Variants in P3H2 observed in about 807,000 individuals in gnomAD.
P3H2 encodes leprecan-like 1.
P3H2 carries 80 observed loss-of-function variants against 87.0 expected under a neutral mutation model. The ratio of observed to expected loss-of-function variants is 0.92; its 90% confidence interval spans 0.77 to 1.11. The LOEUF (loss-of-function observed/expected upper bound fraction) is 1.11, where lower values mean the gene tolerates loss of function less well. Among genes scored for constraint, P3H2 ranks in the 50% least tolerant of loss-of-function variants. The probability of loss-of-function intolerance (pLI) is 0.00; values close to 1 mark genes in which losing one functional copy is unlikely to be tolerated. For synonymous variants in P3H2, 367 were observed against 359.3 expected, an observed-to-expected ratio of 1.02 and a Z score of -0.24; for missense variants, 1,001 against 923.9, an observed-to-expected ratio of 1.08 and a Z score of -1.08.
chr3:190,048,533 G>A (rs1177574099), intron 1 of P3H2, among the ~76,000 whole-genome samples: 1 of 152,132 alleles, frequency 6.6e-6, no homozygotes, highest in East Asian at 1.9e-4. Flanking sequence ...CATAGATTTT[G>A]CTTTATTTTA....
chr3:190,110,986 C>T (rs927946007), intron 1 of P3H2, among the ~76,000 whole-genome samples: 7 of 152,102 alleles, frequency 4.6e-5, no homozygotes, highest in Non-Finnish European at 1.0e-4. Flanking sequence ...TAATGAATTC[C>T]AGCAGGATCA....
intron 1 of P3H2, among the ~76,000 whole-genome samples, chr3:190,095,725 C>T (rs550190910): frequency 0.021 from 3,218 of 151,710 alleles, 55 homozygotes; most frequent in Non-Finnish European, 0.034. Context: ...CTCAGCCTCC[C>T]GAGTAGCTGG....
chr3:189,970,673 C>CTA, intron 13 of P3H2, 143 bp downstream of exon 13: 2 of 641,782 alleles, frequency 3.1e-6, no homozygotes, highest in South Asian at 3.8e-5. Flanking sequence ...AGTTTATGAT[C>CTA]TATACATTTA....
chr3:189,972,023 A>G lies in P3H2; in HGVS notation c.1700-16T>C. 1 of 1,481,882 alleles carries G rather than the reference A, an allele frequency of 6.7e-7. No homozygotes were observed. The highest frequency in any genetic ancestry group is 9.4e-7 in the Non-Finnish European group (1 of 1,059,562). 91.8% of individuals were successfully genotyped at this position (1,481,882 alleles called of 1,614,324 possible). On this transcript the variant is annotated splice_polypyrimidine_tract_variant and intron_variant, in intron 11 of 14. Transcript: ENST00000319332. ...TCCTGCTGACCTGCCAGAAAAGGGA[A>G]TAGGGAAGAACGAGAAATGAAGTGC...
intron 1 of P3H2, among the ~76,000 whole-genome samples, chr3:190,062,798 A>G (rs1035673711): frequency 6.6e-6 from 1 of 152,072 alleles, no homozygotes. Flanking sequence ...CCACTGATTC[A>G]ATCTTACATT....
chr3:190,030,921 T>C (rs1725232506), intron 1 of P3H2, among the ~76,000 whole-genome samples: 2 of 152,192 alleles, frequency 1.3e-5, no homozygotes, highest in African/African-American at 2.4e-5. Context: ...ACTTTGATCT[T>C]AGCCTCATAT....
intron 8 of P3H2, among the ~76,000 whole-genome samples, chr3:189,976,868 T>C (rs1009350286): frequency 2.6e-5 from 4 of 152,218 alleles, no homozygotes; most frequent in African/African-American, 9.6e-5. Flanking sequence ...ATCACATCTT[T>C]TAGTTGAATA....
At chr3:190,036,134 C>T (rs1725416580) in intron 1 of P3H2, among the ~76,000 whole-genome samples, 2 of 152,168 alleles carry the variant, frequency 1.3e-5, no homozygotes. Context: ...ATCTCCTTCC[C>T]ACTTCTGTTG....
chr3:190,082,124 T>C (rs6791047), intron 1 of P3H2, among the ~76,000 whole-genome samples: 35,504 of 151,818 alleles, frequency 0.23, 4,399 homozygotes, highest in African/African-American at 0.32. Flanking sequence ...GGCTTGGTGG[T>C]GAGTGTCTGT....
At chr3:190,097,774 T>C (rs896640382) in intron 1 of P3H2, among the ~76,000 whole-genome samples, 16 of 152,192 alleles carry the variant, frequency 1.1e-4, no homozygotes, top group African/African-American at 3.1e-4. Context: ...AGTGTTGTTT[T>C]AAGCAGCAGC....
At chr3:190,121,324 C>T (rs191420293), upstream of P3H2, among the ~76,000 whole-genome samples, 3 of 148,442 alleles carry the variant, frequency 2.0e-5, no homozygotes, top group East Asian at 6.1e-4. Context: ...GCACGTGTAT[C>T]CCGGAACGTA....
chr3:190,001,230 C>T (rs1724207593), intron 1 of P3H2, among the ~76,000 whole-genome samples: 1 of 152,150 alleles, frequency 6.6e-6, no homozygotes, highest in Non-Finnish European at 1.5e-5. Flanking sequence ...TTAAGAACAA[C>T]TTGTAAGGCA....
intron 1 of P3H2, among the ~76,000 whole-genome samples, chr3:190,097,475 C>T (rs1405617673): frequency 6.6e-6 from 1 of 152,158 alleles, no homozygotes; most frequent in Admixed American, 6.5e-5. Context: ...AACGATTCCA[C>T]CTGTTATGAC....
chr3:190,105,725 G>C (rs565072770), intron 1 of P3H2, among the ~76,000 whole-genome samples: 2 of 152,162 alleles, frequency 1.3e-5, no homozygotes, highest in Non-Finnish European at 2.9e-5. Flanking sequence ...GTAGACTGTT[G>C]GCTTGCTGTA....
In P3H2 at chr3:189,987,311, C is replaced by T. The variant is rs181829515; in HGVS notation, c.1098+216G>A. On this transcript the variant is annotated intron_variant, in intron 5 of 14. Coordinates refer to ENST00000319332, the MANE Select transcript of P3H2 (RefSeq NM_018192.4). The stretch of plus-strand genomic sequence containing the variant: ...CCAACATGGAGAAACCCCGTCTCTA[C>T]TAAAAAAAAAATACAAAATTAGCCG... Among the ~76,000 whole-genome samples the T allele has an allele frequency of 4.3e-3, 643 of 150,104 alleles. 5 individuals carry two copies. The highest frequency in any genetic ancestry group is 0.015 in the African/African-American group (603 of 41,208).
In P3H2 at chr3:190,057,332, C is replaced by T. The variant is rs77421810; in HGVS notation, c.481-61890G>A. Among the ~76,000 whole-genome samples, 1,575 of 152,202 alleles carry T rather than the reference C, an allele frequency of 0.01. 110 individuals carry two copies. In the East Asian group the frequency reaches 0.2, roughly 19 times the overall value. On this transcript the variant is annotated intron_variant, in intron 1 of 14. Transcript: ENST00000319332. ...ATCCCCCAGCTGATCTGTATGGACACGAAAGTCTGAGAAGCACAGCTTTTC... is the reference window on the plus strand; with the variant it reads ...ATCCCCCAGCTGATCTGTATGGACATGAAAGTCTGAGAAGCACAGCTTTTC...
At chr3:190,007,014 A>C (rs1401201499) in intron 1 of P3H2, among the ~76,000 whole-genome samples, 1 of 152,236 alleles carries the variant, frequency 6.6e-6, no homozygotes, top group Non-Finnish European at 1.5e-5. Context: ...ATAAAAATAT[A>C]TCTCTCTTAT....
chr3:189,983,106 C>A lies in P3H2; in HGVS notation c.1264G>T (p.Val422Phe), dbSNP rs753706950. 6.2e-6 allele frequency: 10 copies of A among 1,613,930 alleles called. No homozygotes were observed. In the South Asian group the frequency reaches 9.9e-5, roughly 16 times the overall value. The change falls in exon 8 of 15, where the codon GTT (valine) becomes TTT (phenylalanine). Residue 422 changes from valine to phenylalanine, a missense_variant. Transcript: ENST00000319332. ...TTTTTTCCCATTGAGAATCCATGAA[C>A]TTCTGCTCCCTCTACGTTCACTCCT... is the stretch of plus-strand genomic sequence containing the variant. ...PSGVNVEGAE[V>F]HGFSMGKKLS...
chr3:190,022,887 C>T (rs866568951), intron 1 of P3H2, among the ~76,000 whole-genome samples: 13 of 152,160 alleles, frequency 8.5e-5, no homozygotes, highest in East Asian at 3.9e-4. Flanking sequence ...AGTGCAGTGG[C>T]GCGATCTCGG....
Sources: allele counts gnomAD v4.1 joint callset (sites outside exome capture counted in the v4.1 genomes callset), GRCh38; gene constraint gnomAD v4.1.1; transcripts MANE v1.5; gene names NCBI Gene and HGNC (gene_info 2026-07-23, HGNC 2026-07-21).